Variants in PRR16 observed in about 807,000 individuals in gnomAD.
The protein encoded by PRR16 is proline rich 16.
In PRR16, 6 loss-of-function variants were observed where a neutral mutation model predicts 18.2. That is an observed-to-expected ratio of 0.33 (90% confidence interval 0.18 to 0.65). The LOEUF (loss-of-function observed/expected upper bound fraction) is 0.65. Ranked by LOEUF, PRR16 falls within the 30% of genes least tolerant of loss-of-function variation. PRR16 has a pLI of 0.74. For synonymous variants in PRR16, 151 were observed against 147.8 expected (o/e 1.02, Z -0.16); for missense variants, 412 against 376.6 (o/e 1.09, Z -0.78).
intron 1 of PRR16, among the ~76,000 whole-genome samples, chr5:120,587,201 G>C (rs1753477379): frequency 6.6e-6 from 1 of 152,132 alleles, no homozygotes. Context: ...TTTTATCATG[G>C]GGATAAGGAA....
chr5:120,472,522 T>C (rs185374011), intron 1 of PRR16, among the ~76,000 whole-genome samples: 430 of 152,240 alleles, frequency 2.8e-3, no homozygotes, highest in African/African-American at 6.4e-3. Context: ...ACGTGGTTCC[T>C]GCACATGTTC....
rs151167361 is a variant in PRR16, at chr5:120,594,819, C to T, written c.160-91135C>T. Reference sequence around the variant, plus strand: ...AATAATGCTGCATACCTAAAGCCATCGATCTTTGACAAAGCTGACAAAAAC... The same window carrying T: ...AATAATGCTGCATACCTAAAGCCATTGATCTTTGACAAAGCTGACAAAAAC... On this transcript the variant is annotated intron_variant, in intron 1 of 1. Transcript: ENST00000407149. Among the ~76,000 whole-genome samples the T allele has an allele frequency of 6.9e-3, 1,055 of 151,802 alleles. 16 individuals are homozygous for T. The highest frequency in any genetic ancestry group is 0.024 in the African/African-American group (999 of 41,340).
chr5:120,594,307 C>T (rs1269043942), intron 1 of PRR16, among the ~76,000 whole-genome samples: 1 of 151,970 alleles, frequency 6.6e-6, no homozygotes, highest in Non-Finnish European at 1.5e-5. Flanking sequence ...TCCTATACAG[C>T]AACAACATCC....
chr5:120,502,229 C>A (rs1469548953), intron 1 of PRR16, among the ~76,000 whole-genome samples: 1 of 150,970 alleles, frequency 6.6e-6, no homozygotes, highest in African/African-American at 2.4e-5. Flanking sequence ...ATATCCATAA[C>A]AGTTTCCTTT....
chr5:120,606,063 G>A (rs577745299), intron 1 of PRR16, among the ~76,000 whole-genome samples: 2 of 152,218 alleles, frequency 1.3e-5, no homozygotes, highest in Non-Finnish European at 2.9e-5. Flanking sequence ...GTGCATTTGT[G>A]TTGGTGTGGC....
chr5:120,740,314 A>C, the PRR16 span, among the ~76,000 whole-genome samples: 1 of 152,146 alleles, frequency 6.6e-6, no homozygotes, highest in Non-Finnish European at 1.5e-5. Context: ...GAATTCATAA[A>C]ACATTTATAT....
At chr5:120,567,456 G>A (rs187975254) in intron 1 of PRR16, among the ~76,000 whole-genome samples, 13 of 152,100 alleles carry the variant, frequency 8.5e-5, no homozygotes, top group Non-Finnish European at 1.6e-4. Flanking sequence ...AGGGTGGTAG[G>A]ATATTATCAT....
chr5:120,590,576 C>T (rs1753599681), intron 1 of PRR16, among the ~76,000 whole-genome samples: 1 of 151,998 alleles, frequency 6.6e-6, no homozygotes, highest in South Asian at 2.1e-4. Flanking sequence ...GCTAATTTAT[C>T]TAGAATTGTT....
intron 1 of PRR16, among the ~76,000 whole-genome samples, chr5:120,621,059 A>C (rs1754673659): frequency 6.6e-6 from 1 of 152,058 alleles, no homozygotes; most frequent in Non-Finnish European, 1.5e-5. Flanking sequence ...TCCTTTAGAA[A>C]GTTTTGTCAA....
chr5:120,754,335 TATAA>T, the PRR16 span, among the ~76,000 whole-genome samples: 1 of 66,494 alleles, frequency 1.5e-5, no homozygotes, highest in Non-Finnish European at 2.7e-5. Context: ...ATATGTTATA[TATAA>T]ATATATGTTA....
intron 1 of PRR16, among the ~76,000 whole-genome samples, chr5:120,639,298 T>C (rs902526372): frequency 3.3e-5 from 5 of 152,130 alleles, no homozygotes; most frequent in Non-Finnish European, 1.5e-5. Flanking sequence ...TAGTCAACTT[T>C]AAGAAGATCA....
chr5:120,655,467 G>T (rs905857026), intron 1 of PRR16, among the ~76,000 whole-genome samples: 3 of 149,582 alleles, frequency 2.0e-5, no homozygotes, highest in Admixed American at 1.3e-4. Flanking sequence ...TATTATTATA[G>T]ACATATATAG....
chr5:120,755,621 C>T, the PRR16 span, among the ~76,000 whole-genome samples: 2 of 152,008 alleles, frequency 1.3e-5, no homozygotes, highest in Non-Finnish European at 2.9e-5. Flanking sequence ...TTTTCTTTAT[C>T]CAGTCCACTG....
intron 1 of PRR16, among the ~76,000 whole-genome samples, chr5:120,641,933 A>C (rs1355552657): frequency 6.6e-6 from 1 of 152,026 alleles, no homozygotes; most frequent in African/African-American, 2.4e-5. Context: ...TACCCTAGGC[A>C]CCTCAAACCT....
intron 1 of PRR16, among the ~76,000 whole-genome samples, chr5:120,613,862 T>G (rs969054440): frequency 1.3e-5 from 2 of 152,182 alleles, no homozygotes; most frequent in African/African-American, 4.8e-5. Flanking sequence ...GAGCTGAGCT[T>G]TAGTTGTGTT....
At chr5:120,531,931 G>T (rs1393772379) in intron 1 of PRR16, among the ~76,000 whole-genome samples, 1 of 152,108 alleles carries the variant, frequency 6.6e-6, no homozygotes, top group African/African-American at 2.4e-5. Flanking sequence ...GTAATGCATT[G>T]AAGACAATGA....
At chr5:120,468,283 T>C (rs1253685244) in intron 1 of PRR16, among the ~76,000 whole-genome samples, 1 of 152,162 alleles carries the variant, frequency 6.6e-6, no homozygotes, top group Non-Finnish European at 1.5e-5. Context: ...GATTACATAT[T>C]CAAATGTTGT....
chr5:120,608,074 C>T (rs1348859309), intron 1 of PRR16, among the ~76,000 whole-genome samples: 6 of 152,090 alleles, frequency 3.9e-5, no homozygotes, highest in Admixed American at 3.9e-4. Context: ...TGAGCTTCAG[C>T]ATCTTAAGGT....
the PRR16 span, among the ~76,000 whole-genome samples, chr5:120,732,071 C>T: frequency 6.6e-6 from 1 of 152,054 alleles, no homozygotes; most frequent in Admixed American, 6.6e-5. Context: ...ATAGGAAAAC[C>T]AAAAAGACAT....
Sources: gnomAD v4.1 joint callset for allele counts (sites outside exome capture counted in the v4.1 genomes callset) on GRCh38, gnomAD v4.1.1 for gene constraint, MANE v1.5 for transcripts, NCBI Gene and HGNC (gene_info 2026-07-23, HGNC 2026-07-21) for gene names.